Variants in TAF4 observed in about 807,000 individuals in gnomAD.
TAF4 encodes TATA-box binding protein associated factor 4.
A neutral mutation model predicts 90.3 loss-of-function variants in TAF4; 9 were observed. The observed-to-expected ratio is 0.10, with a 90% CI of 0.06 to 0.17. The LOEUF is 0.17. TAF4 is among the 10% of genes least tolerant of loss of function. TAF4 has a pLI of 1.00. For synonymous variants in TAF4, 818 were observed against 638.9 expected (o/e 1.28, Z -4.23); for missense variants, 1,351 against 1,370.7 (o/e 0.99, Z 0.23).
At chr20:62,031,287 C>A (rs111614159) in intron 1 of TAF4, among the ~76,000 whole-genome samples, 1 of 152,160 alleles carries the variant, frequency 6.6e-6, no homozygotes, top group African/African-American at 2.4e-5. Flanking sequence ...CTCCAGGCAC[C>A]GCACACCTTG....
intron 2 of TAF4, 59 bp downstream of exon 2, chr20:62,014,488 C>A: frequency 6.6e-7 from 1 of 1,515,014 alleles, no homozygotes; most frequent in Non-Finnish European, 8.9e-7. Context: ...CCCCAGCATG[C>A]GTGGGGAGAG....
chr20:62,029,484 GCGCACACA>G (rs1228915346), intron 1 of TAF4, among the ~76,000 whole-genome samples: 4 of 142,132 alleles, frequency 2.8e-5, no homozygotes, highest in African/African-American at 8.0e-5. Context: ...GTGCGCGCGC[GCGCACACA>G]CACACACACA....
Position 61,976,237 on chromosome 20 carries a change from G to A in TAF4, c.3189C>T (p.Leu1063=). 6.2e-7 allele frequency: 1 copy of A among 1,614,064 alleles called. No individual in the cohort carries two copies. The highest frequency in any genetic ancestry group is 2.2e-5 in the East Asian group (1 of 44,888). ...CACGTTCATTTTCTAAACAAAATAT[G>A]AGGTCCCTGAGGTTGACCCGCGTGA... The part of the protein sequence containing the change: ...QRITRVNLRD[L]IFCLENERET... The change falls in exon 15 of 15, where the codon CTC becomes CTT. Residue 1063 remains leucine (L), a synonymous_variant. Coordinates refer to ENST00000252996, the MANE Select transcript of TAF4 (RefSeq NM_003185.4).
chr20:62,022,868 C>T (rs867298058), intron 1 of TAF4, among the ~76,000 whole-genome samples: 3 of 152,018 alleles, frequency 2.0e-5, no homozygotes, highest in Non-Finnish European at 4.4e-5. Flanking sequence ...GCAGCCCCCC[C>T]CCCGCACATT....
At chr20:61,998,930 T>C in intron 12 of TAF4, 53 bp downstream of exon 12, 9 of 1,600,448 alleles carry the variant, frequency 5.6e-6, no homozygotes, top group Non-Finnish European at 7.7e-6. Flanking sequence ...GCTCATCAGG[T>C]TGTGGCTGAG....
At chr20:62,055,841 G>A (rs537768842) in intron 1 of TAF4, among the ~76,000 whole-genome samples, 15 of 152,238 alleles carry the variant, frequency 9.9e-5, no homozygotes, top group Admixed American at 2.6e-4. Context: ...CCCCCACAAC[G>A]GACACACCAT....
chr20:62,005,134 C>A (rs1279065875), intron 7 of TAF4: 1 of 152,298 alleles, frequency 6.6e-6, no homozygotes, highest in African/African-American at 2.4e-5. Flanking sequence ...GGAAGAGCCT[C>A]AGGCAGCTCA....
intron 1 of TAF4, among the ~76,000 whole-genome samples, chr20:62,034,194 T>C (rs1016468333): frequency 3.3e-5 from 5 of 152,194 alleles, no homozygotes; most frequent in Admixed American, 6.5e-5. Context: ...TTGCATGTAA[T>C]AAATTCTCTA....
intron 1 of TAF4, among the ~76,000 whole-genome samples, chr20:62,049,742 G>A (rs562625135): frequency 2.0e-5 from 3 of 149,406 alleles, no homozygotes; most frequent in Admixed American, 1.3e-4. Flanking sequence ...GGCAGGGCCC[G>A]GGCAGAGGTT....
At chr20:62,060,125 G>A (rs1321700120) in intron 1 of TAF4, among the ~76,000 whole-genome samples, 1 of 152,226 alleles carries the variant, frequency 6.6e-6, no homozygotes, top group African/African-American at 2.4e-5. Flanking sequence ...AACTTCCACA[G>A]CACACCGGGG....
rs1249003880 is a variant in TAF4 at position 62,000,637 on chromosome 20, A to C, written c.2571T>G (p.Ser857=). The C allele has an allele frequency of 6.2e-7, 1 of 1,614,280 alleles. No individual in the cohort carries two copies. Among genetic ancestry groups the C allele is most frequent in the East Asian group, 2.2e-5 (1 of 44,890 alleles). The part of the protein sequence containing the change: ...EESARILATN[S]ELVGTLTRSC... The stretch of plus-strand genomic sequence containing the variant: ...ACCGCGTTAGCGTGCCCACCAATTC[A>C]GAGTTCGTGGCTAATATTCTTGCAC... Residue 857 remains serine, a synonymous_variant, in exon 10 of 15, where the codon TCT becomes TCG. Transcript: ENST00000252996.
At chr20:62,048,298 C>G (rs1365845344) in intron 1 of TAF4, among the ~76,000 whole-genome samples, 1 of 152,170 alleles carries the variant, frequency 6.6e-6, no homozygotes, top group Non-Finnish European at 1.5e-5. Flanking sequence ...CCTGTACTAG[C>G]TCCTCCTGGA....
intron 14 of TAF4, among the ~76,000 whole-genome samples, chr20:61,993,847 G>T (rs2055646881): frequency 6.6e-6 from 1 of 152,116 alleles, no homozygotes; most frequent in Non-Finnish European, 1.5e-5. Context: ...CCGCCTCCAG[G>T]GTTCAAGTGA....
At chr20:62,019,108 A>C (rs1482052934) in intron 1 of TAF4, among the ~76,000 whole-genome samples, 1 of 152,214 alleles carries the variant, frequency 6.6e-6, no homozygotes, top group Non-Finnish European at 1.5e-5. Context: ...ACAGAACCGC[A>C]CTGGGGCTTC....
rs1452224357 is a variant in TAF4, at chr20:62,003,137, A to G, written c.2486+23T>C. ...TCTCCGCTCTGGCCACGCTTCTCCA[A>G]CGTACACAGGCCCATTCCTTACCGA... On this transcript the variant is annotated intron_variant, in intron 9 of 14. Transcript: ENST00000252996. 1.9e-6 allele frequency: 3 copies of G among 1,598,906 alleles called. No individual in the cohort carries two copies. In the East Asian group the frequency reaches 6.7e-5, roughly 36 times the overall value.
At chr20:62,012,690 C>T in intron 3 of TAF4, 125 bp downstream of exon 3, 1 of 1,285,292 alleles carries the variant, frequency 7.8e-7, no homozygotes, top group East Asian at 2.7e-5. Flanking sequence ...GAACCTTCCT[C>T]CCCAGATTTG....
chr20:62,028,136 G>A (rs1009084239), intron 1 of TAF4, among the ~76,000 whole-genome samples: 3 of 152,282 alleles, frequency 2.0e-5, no homozygotes, highest in East Asian at 1.9e-4. Context: ...CCCAGGAGCC[G>A]CACCTGCTCT....
chr20:61,993,175 C>G (rs1354193366), intron 14 of TAF4, among the ~76,000 whole-genome samples: 3 of 152,214 alleles, frequency 2.0e-5, no homozygotes, highest in Non-Finnish European at 2.9e-5. Context: ...CTAAGAGCAC[C>G]GCCATCTCCA....
chr20:61,996,113 A>G (rs1002156768), intron 14 of TAF4, among the ~76,000 whole-genome samples: 5 of 152,216 alleles, frequency 3.3e-5, no homozygotes, highest in Admixed American at 1.3e-4. Context: ...CAAAGATTGA[A>G]AGTCATGCCA....
Sources: allele counts gnomAD v4.1 joint callset (sites outside exome capture counted in the v4.1 genomes callset), GRCh38; gene constraint gnomAD v4.1.1; transcripts MANE v1.5; gene names NCBI Gene and HGNC (gene_info 2026-07-23, HGNC 2026-07-21).